The following PRPF38B variants were observed in gnomAD, a reference collection of about 807,000 sequenced individuals.
PRPF38B encodes pre-mRNA processing factor 38B, also known as pre-mRNA-splicing factor 38B.
A neutral mutation model predicts 67.2 loss-of-function variants in PRPF38B; 18 were observed. The observed-to-expected ratio is 0.27, with a 90% CI of 0.19 to 0.40. The LOEUF (loss-of-function observed/expected upper bound fraction) is 0.40. Ranked by LOEUF, PRPF38B falls within the 10% of genes least tolerant of loss-of-function variation. The probability of loss-of-function intolerance (pLI) is 1.00; values close to 1 mark genes in which losing one functional copy is unlikely to be tolerated. For synonymous variants in PRPF38B, 246 were observed against 234.2 expected (o/e 1.05, Z -0.46); for missense variants, 544 against 684.9 (o/e 0.79, Z 2.30).
rs1266310722 is a variant in PRPF38B at position 108,692,669 on chromosome 1, G to A, written c.78G>A (p.Gln26=). The A allele has an allele frequency of 6.2e-7, 1 of 1,612,676 alleles. No homozygotes were observed. The highest frequency in any genetic ancestry group is 8.5e-7 in the Non-Finnish European group (1 of 1,179,882). ...HQAAAAAAQQ[Q]QQCGGGGATK... Reference sequence around the variant, plus strand: ...CGGCTGCAGCTGCGGCTCAGCAACAGCAGCAGTGCGGCGGCGGCGGCGCTA... The same window carrying A: ...CGGCTGCAGCTGCGGCTCAGCAACAACAGCAGTGCGGCGGCGGCGGCGCTA... Residue 26 remains glutamine, a synonymous_variant, in exon 1 of 6, where the codon CAG becomes CAA. Transcript: ENST00000370025.
chr1:108,696,505 G>A (rs998571624), intron 4 of PRPF38B, 168 bp downstream of exon 4: 1 of 631,044 alleles, frequency 1.6e-6, no homozygotes, highest in Admixed American at 3.3e-5. Flanking sequence ...TGGCTTTTAT[G>A]TATTTTAGGG....
At position 108,696,585 on chromosome 1, in the gene PRPF38B, T is replaced by G; in HGVS notation, c.558+248T>G. The G allele has an allele frequency of 2.0e-5, 12 of 606,030 alleles. No homozygotes were observed. The South Asian group carries it at 2.6e-4, about 13-fold the overall frequency. The allele number at this position is 606,030 out of a possible 1,614,324, so 37.5% of individuals were successfully genotyped here. ...GTGTTTGGTAACTATTGGAAAATTT[T>G]CTCTTCTTAATTATGTTCTGTGTAT... On this transcript the variant is annotated intron_variant, in intron 4 of 5. Coordinates refer to ENST00000370025, the MANE Select transcript of PRPF38B (RefSeq NM_018061.4).
intron 2 of PRPF38B, 107 bp from the exon 3 acceptor site, chr1:108,695,936 T>C: frequency 7.2e-7 from 1 of 1,386,804 alleles, no homozygotes; most frequent in Non-Finnish European, 1.0e-6. Flanking sequence ...TTAATGCTCC[T>C]TAGTTCTGGA....
At position 108,701,924 on chromosome 1, in the gene PRPF38B, A is replaced by G. The variant is rs1037990254; in HGVS notation, c.*1904A>G. 17 of 152,184 alleles carry G rather than the reference A, an allele frequency of 1.1e-4. No individual in the cohort carries two copies. Among genetic ancestry groups the G allele is most frequent in the African/African-American group, 3.6e-4 (15 of 41,440 alleles). The allele number at this position is 152,184 out of a possible 1,614,324, so 9.4% of individuals were successfully genotyped here. On this transcript the variant is annotated 3_prime_UTR_variant, in exon 6 of 6. Coordinates refer to ENST00000370025, the MANE Select transcript of PRPF38B (RefSeq NM_018061.4). ...TATTGTATAATATGAAAGCCACTAA[A>G]TTTGTCTTGTGTTGAAAATCTACTT...
intron 4 of PRPF38B, 54 bp from the exon 5 acceptor site, chr1:108,698,550 G>A (rs1195264716): frequency 8.2e-7 from 1 of 1,215,948 alleles, no homozygotes; most frequent in East Asian, 2.4e-5. Flanking sequence ...TAATATTCAT[G>A]TATATATGGA....
chr1:108,692,405 T>C lies in PRPF38B; in HGVS notation c.-187T>C, dbSNP rs942515854. On this transcript the variant is annotated 5_prime_UTR_variant, in exon 1 of 6. Transcript: ENST00000370025. ...TTCTCGCGGTCTGGGTTTCGCTGTC[T>C]GCTCTTGGCCCGGGGTCATTTTGTC... is the stretch of plus-strand genomic sequence containing the variant. 1.4e-5 allele frequency: 9 copies of C among 663,348 alleles called. No individual in the cohort carries two copies. The highest frequency in any genetic ancestry group is 2.0e-5 in the Non-Finnish European group (8 of 400,720). The allele number at this position is 663,348 out of a possible 1,614,324, so 41.1% of individuals were successfully genotyped here.
chr1:108,696,162 A>G lies in PRPF38B; in HGVS notation c.465A>G (p.Pro155=). Residue 155 remains proline (P), a synonymous_variant, in exon 3 of 6, where the codon CCA becomes CCG. Coordinates refer to ENST00000370025, the MANE Select transcript of PRPF38B (RefSeq NM_018061.4). ...VMGLITHTDS[P]YIRALGFMYI... is the part of the protein sequence containing the mutation. Reference sequence around the variant, plus strand: ...GTCTTATAACACACACAGACTCTCCATATATTAGAGCGCTTGGATTTATGT... The same window carrying G: ...GTCTTATAACACACACAGACTCTCCGTATATTAGAGCGCTTGGATTTATGT... 1 of 1,614,002 alleles carries G rather than the reference A, an allele frequency of 6.2e-7. No individual in the cohort carries two copies. Among genetic ancestry groups the G allele is most frequent in the Non-Finnish European group, 8.5e-7 (1 of 1,179,900 alleles).
chr1:108,694,849 T>TTGTTGC (rs1329831912), intron 1 of PRPF38B, among the ~76,000 whole-genome samples: 1 of 152,196 alleles, frequency 6.6e-6, no homozygotes, highest in African/African-American at 2.4e-5. Context: ...GTTGCTGTTG[T>TTGTTGC]TGTTGCTATT....
Position 108,695,869 on chromosome 1 carries a change from A to G in PRPF38B, c.345+99A>G, listed in dbSNP as rs1570681441. On this transcript the variant is annotated intron_variant, in intron 2 of 5. Transcript: ENST00000370025. ...CTGTCAATTATACACTTGAGTGACA[A>G]TTTTTTTAATCCAAATTCAAGTGTT... The G allele has an allele frequency of 1.2e-5, 17 of 1,411,810 alleles. No homozygotes were observed. In the Admixed American group the frequency reaches 3.2e-4, roughly 27 times the overall value. The allele number at this position is 1,411,810 out of a possible 1,614,324, so 87.5% of individuals were successfully genotyped here. A position where few individuals can be genotyped will look rare whatever the true frequency, so the allele number is the denominator to read the frequency against.
intron 4 of PRPF38B, chr1:108,698,223 CAT>C (rs1660076279): frequency 6.3e-6 from 1 of 159,004 alleles, no homozygotes. Flanking sequence ...TAAAGTAGAT[CAT>C]ATGTAGCTAG....
chr1:108,697,479 A>G (rs1248607756), intron 4 of PRPF38B: 1 of 144,632 alleles, frequency 6.9e-6, no homozygotes, highest in African/African-American at 2.6e-5. Context: ...TTTTGTTATT[A>G]CATGCACACC....
In PRPF38B at chr1:108,692,579, C is replaced by A; in HGVS notation, c.-13C>A. ...CCCCCCCTCCTTCCCTCCCTCCTTC[C>A]TTCCGCCGCAACATGGCTAACAACA... On this transcript the variant is annotated 5_prime_UTR_variant, in exon 1 of 6. Transcript: ENST00000370025. The A allele has an allele frequency of 1.3e-6, 2 of 1,552,138 alleles. No individual in the cohort carries two copies. The highest frequency in any genetic ancestry group is 1.7e-6 in the Non-Finnish European group (2 of 1,150,340).
chr1:108,694,497 A>C (rs1425507525), intron 1 of PRPF38B, among the ~76,000 whole-genome samples: 3 of 152,208 alleles, frequency 2.0e-5, no homozygotes, highest in Non-Finnish European at 1.5e-5. Flanking sequence ...TACTCACTGA[A>C]ATTTATAAGT....
At chr1:108,698,405 C>T (rs560958179) in intron 4 of PRPF38B, 199 bp from the exon 5 acceptor site, 12 of 470,162 alleles carry the variant, frequency 2.6e-5, no homozygotes, top group African/African-American at 1.6e-4. Context: ...TGTGAGGCTG[C>T]AGGGTTTGTT....
rs975929422 is a variant in PRPF38B at position 108,695,261 on chromosome 1, T to C, written c.277-441T>C. On this transcript the variant is annotated intron_variant, in intron 1 of 5. Coordinates refer to ENST00000370025, the MANE Select transcript of PRPF38B (RefSeq NM_018061.4). ...AGGTGTTTTGAAGTTTTTAAATTAA[T>C]GCTTAACGTTAATACTTTTTGCTTT... is the stretch of plus-strand genomic sequence containing the variant. Among the ~76,000 whole-genome samples, 7 of 152,368 alleles carry C rather than the reference T, an allele frequency of 4.6e-5. No individual in the cohort carries two copies. The East Asian group carries it at 5.8e-4, about 13-fold the overall frequency.
chr1:108,696,351 G>A lies in PRPF38B; in HGVS notation c.558+14G>A. 6.3e-7 allele frequency: 1 copy of A among 1,598,640 alleles called. No individual in the cohort carries two copies. Reference sequence around the variant, plus strand: ...GATGATGAAGAGGTATGTCAACAAGGGTAATAATTTGTTTTCTTCTGATTA... The same window carrying A: ...GATGATGAAGAGGTATGTCAACAAGAGTAATAATTTGTTTTCTTCTGATTA... On this transcript the variant is annotated intron_variant, in intron 4 of 5. Coordinates refer to ENST00000370025, the MANE Select transcript of PRPF38B (RefSeq NM_018061.4).
At chr1:108,695,612 G>T in intron 1 of PRPF38B, 90 bp from the exon 2 acceptor site, 1 of 1,237,878 alleles carries the variant, frequency 8.1e-7, no homozygotes, top group Non-Finnish European at 1.1e-6. Flanking sequence ...TGGAAGAGCT[G>T]CTCTATTATG....
Position 108,699,478 on chromosome 1 carries a change from G to A in PRPF38B, c.1099G>A (p.Asp367Asn), listed in dbSNP as rs982485361. 3.1e-6 allele frequency: 5 copies of A among 1,603,356 alleles called. No homozygotes were observed. In the African/African-American group the frequency reaches 6.7e-5, roughly 21 times the overall value. ...EKENERGRRR[D>N]RDYDKERGNE... ...AGAAAATGAGAGAGGTAGAAGACGA[G>A]ATCGTGACTATGATAAGGAAAGAGG... Residue 367 changes from aspartate (D) to asparagine (N), a missense_variant, in exon 6 of 6, where the codon GAT becomes AAT. Coordinates refer to ENST00000370025, the MANE Select transcript of PRPF38B (RefSeq NM_018061.4).
In PRPF38B at chr1:108,699,236, A is replaced by G. The variant is rs757438690; in HGVS notation, c.857A>G (p.His286Arg). The G allele has an allele frequency of 6.2e-7, 1 of 1,613,154 alleles. No homozygotes were observed. The highest frequency in any genetic ancestry group is 1.7e-5 in the Admixed American group (1 of 59,948). The change falls in exon 6 of 6, where the codon CAT (histidine) becomes CGT (arginine). Residue 286 changes from histidine to arginine, a missense_variant. Physicochemically the swap from His to Arg is conservative, Grantham distance 29 (BLOSUM62 0). This residue lies in a region of PRPF38B where 387 missense variants were observed against 386.1 expected (regional missense o/e 1.00). Coordinates refer to ENST00000370025, the MANE Select transcript of PRPF38B (RefSeq NM_018061.4). ...SRSRSHHREG[H>R]GSSSFDRELE... ...AGTAGAAGTCATCATCGGGAGGGCC[A>G]TGGGTCTTCTAGTTTTGACAGAGAA... is the stretch of plus-strand genomic sequence containing the variant.
Sources: allele counts gnomAD v4.1 joint callset (sites outside exome capture counted in the v4.1 genomes callset), GRCh38; gene constraint gnomAD v4.1.1; regional missense constraint gnomAD v4.1.1; transcripts MANE v1.5; gene names NCBI Gene and HGNC (gene_info 2026-07-23, HGNC 2026-07-21).